Variants in DOK6 observed in about 807,000 individuals in gnomAD.
The protein encoded by DOK6 is downstream of tyrosine kinase 6.
Under a neutral mutation model 44.0 loss-of-function variants are expected in DOK6, and 22 were observed. That is an observed-to-expected ratio of 0.50 (90% CI 0.36 to 0.71). The LOEUF (loss-of-function observed/expected upper bound fraction) is 0.71, where lower values mean the gene tolerates loss of function less well. DOK6 is among the 30% of genes least tolerant of loss of function. DOK6 has a pLI of 0.00. For synonymous variants in DOK6, 166 were observed against 145.5 expected (o/e 1.14, Z -1.01); for missense variants, 340 against 416.4 (o/e 0.82, Z 1.60).
At chr18:69,803,951 T>A (rs1017498961) in intron 7 of DOK6, among the ~76,000 whole-genome samples, 2 of 152,148 alleles carry the variant, frequency 1.3e-5, no homozygotes, top group Non-Finnish European at 2.9e-5. Context: ...TGGTTTAAAT[T>A]ACCAAAAACT....
chr18:69,612,363 G>T (rs1225082533), intron 3 of DOK6, among the ~76,000 whole-genome samples: 2 of 152,244 alleles, frequency 1.3e-5, no homozygotes, highest in African/African-American at 4.8e-5. Context: ...ACCTGTGCCT[G>T]TGTGGCTTGT....
chr18:69,518,817 T>A (rs1981607120), intron 1 of DOK6, among the ~76,000 whole-genome samples: 1 of 152,118 alleles, frequency 6.6e-6, no homozygotes, highest in Admixed American at 6.5e-5. Context: ...GATATTGACC[T>A]GGTGTAGTGT....
At chr18:69,564,339 A>T in intron 1 of DOK6, 148 bp from the exon 2 acceptor site, 3 of 653,522 alleles carry the variant, frequency 4.6e-6, no homozygotes, top group Non-Finnish European at 7.6e-6. Flanking sequence ...ATATTTAAAA[A>T]TACTGTAATC....
intron 3 of DOK6, among the ~76,000 whole-genome samples, chr18:69,639,629 T>G (rs1022387863): frequency 1.3e-5 from 2 of 152,144 alleles, no homozygotes; most frequent in Non-Finnish European, 2.9e-5. Context: ...GCCTTCTGTA[T>G]TGTTGTATTC....
intron 3 of DOK6, among the ~76,000 whole-genome samples, chr18:69,674,565 TCACA>T (rs150764492): frequency 0.031 from 4,663 of 151,918 alleles, 116 homozygotes; most frequent in African/African-American, 0.068. Context: ...AAATGCACAC[TCACA>T]CACACTCATC....
At chr18:69,477,007 T>C (rs1980284471) in intron 1 of DOK6, among the ~76,000 whole-genome samples, 1 of 152,206 alleles carries the variant, frequency 6.6e-6, no homozygotes, top group African/African-American at 2.4e-5. Flanking sequence ...GAAGTCTTAA[T>C]TCTGTGAGTG....
intron 1 of DOK6, among the ~76,000 whole-genome samples, chr18:69,490,456 AAT>A (rs1980704578): frequency 6.6e-6 from 1 of 152,210 alleles, no homozygotes; most frequent in Admixed American, 6.5e-5. Context: ...ATTATGAAAA[AAT>A]GTTTCAAGTT....
At chr18:69,700,459 T>A (rs1341279086) in intron 5 of DOK6, among the ~76,000 whole-genome samples, 2 of 152,104 alleles carry the variant, frequency 1.3e-5, no homozygotes, top group Non-Finnish European at 2.9e-5. Context: ...TGAAGAATGG[T>A]TATTCAGAAT....
intron 3 of DOK6, chr18:69,661,863 G>A (rs1218136650): frequency 1.3e-5 from 2 of 152,188 alleles, no homozygotes; most frequent in South Asian, 2.1e-4. Flanking sequence ...TGCTACAGAT[G>A]TTTTCTTACT....
rs916060114 is a variant in DOK6 at position 69,552,958 on chromosome 18, A to G, written c.67-11529A>G. 2.6e-5 allele frequency among the ~76,000 whole-genome samples: 4 copies of G among 152,238 alleles called. No individual in the cohort carries two copies. In the East Asian group the frequency reaches 7.7e-4, roughly 29 times the overall value. On this transcript the variant is annotated intron_variant, in intron 1 of 7. Coordinates refer to ENST00000382713, the MANE Select transcript of DOK6 (RefSeq NM_152721.6). ...AAGGCTGTCTATCAAAATGCTAGCA[A>G]TATTTTTCTCTGGATGGTAGTGGAA... is the stretch of plus-strand genomic sequence containing the variant.
intron 1 of DOK6, among the ~76,000 whole-genome samples, chr18:69,475,924 A>C (rs753626711): frequency 4.6e-5 from 7 of 152,150 alleles, no homozygotes; most frequent in Admixed American, 1.3e-4. Context: ...TAAGGGGTAC[A>C]TGTGTAAGTT....
chr18:69,715,423 A>G (rs917130413), intron 5 of DOK6, among the ~76,000 whole-genome samples: 1 of 152,208 alleles, frequency 6.6e-6, no homozygotes, highest in African/African-American at 2.4e-5. Context: ...TAAAGTAGAA[A>G]TCAGGTCCCA....
At chr18:69,482,530 A>G (rs1372549218) in intron 1 of DOK6, among the ~76,000 whole-genome samples, 6 of 152,062 alleles carry the variant, frequency 3.9e-5, no homozygotes, top group Admixed American at 3.9e-4. Context: ...AAGTGTCCTC[A>G]TGACATTATA....
At chr18:69,512,332 CTTTTTTTT>C (rs548031851) in intron 1 of DOK6, among the ~76,000 whole-genome samples, 5 of 91,690 alleles carry the variant, frequency 5.5e-5, no homozygotes, top group Non-Finnish European at 1.0e-4. Flanking sequence ...CTTTCTTCTT[CTTTTTTTT>C]TTTTTTTTTT....
At chr18:69,543,861 A>C (rs1219307677) in intron 1 of DOK6, among the ~76,000 whole-genome samples, 2 of 151,546 alleles carry the variant, frequency 1.3e-5, no homozygotes, top group East Asian at 3.9e-4. Flanking sequence ...TTTTAAAATA[A>C]GGGAATTTCA....
chr18:69,796,619 G>A (rs915860883), intron 7 of DOK6, among the ~76,000 whole-genome samples: 1 of 152,160 alleles, frequency 6.6e-6, no homozygotes, highest in African/African-American at 2.4e-5. Context: ...ATGAAATAAA[G>A]TTTATGGAAA....
Position 69,401,257 on chromosome 18 carries a change from T to C in DOK6, c.13T>C (p.Phe5Leu), listed in dbSNP as rs1378292540. The change falls in exon 1 of 8, where the codon TTT becomes CTT. Residue 5 changes from phenylalanine (F) to leucine (L), a missense_variant. By Grantham distance (22) the Phe-to-Leu change is conservative. Coordinates refer to ENST00000382713, the MANE Select transcript of DOK6 (RefSeq NM_152721.6). The stretch of plus-strand genomic sequence containing the variant: ...GATCGCGCTGGCCATGGCCTCCAAC[T>C]TTAACGACATAGTCAAGCAGGGCTA... Reference protein sequence around the residue: MASNFNDIVKQGYVK... With the variant: MASNLNDIVKQGYVK... 1 of 1,579,200 alleles carries C rather than the reference T, an allele frequency of 6.3e-7. No individual in the cohort carries two copies. The highest frequency in any genetic ancestry group is 8.6e-7 in the Non-Finnish European group (1 of 1,163,680).
chr18:69,563,953 A>G (rs953930213), intron 1 of DOK6, among the ~76,000 whole-genome samples: 3 of 152,216 alleles, frequency 2.0e-5, no homozygotes, highest in Non-Finnish European at 4.4e-5. Context: ...TGTATTTAAT[A>G]AATACTTCCT....
chr18:69,840,429 C>A (rs187846461), intron 7 of DOK6, among the ~76,000 whole-genome samples: 1 of 152,180 alleles, frequency 6.6e-6, no homozygotes, highest in Non-Finnish European at 1.5e-5. Context: ...GATGAGGAAA[C>A]GACTGGAAAG....
Sources: allele counts gnomAD v4.1 joint callset (sites outside exome capture counted in the v4.1 genomes callset), GRCh38; gene constraint gnomAD v4.1.1; transcripts MANE v1.5; gene names NCBI Gene and HGNC (gene_info 2026-07-23, HGNC 2026-07-21).